FKBP1B: variants seen among roughly 807,000 people sequenced by gnomAD.
FKBP1B encodes FKBP prolyl isomerase 1B, also known as peptidyl-prolyl cis-trans isomerase FKBP1B.
Under a neutral mutation model 13.5 loss-of-function variants are expected in FKBP1B, and 4 were observed. The ratio of observed to expected loss-of-function variants is 0.30; its 90% CI spans 0.15 to 0.68. The LOEUF is 0.68. Among genes scored for constraint, FKBP1B ranks in the 30% least tolerant of loss-of-function variants. FKBP1B has a pLI of 0.76. For synonymous variants in FKBP1B, 54 were observed against 53.6 expected (o/e 1.01, Z -0.03); for missense variants, 93 against 136.2 (o/e 0.68, Z 1.58).
At position 24,060,930 on chromosome 2, in the gene FKBP1B, G is replaced by T; in HGVS notation, c.198+4G>T. The T allele has an allele frequency of 6.2e-7, 1 of 1,609,772 alleles. No individual in the cohort carries two copies. The highest frequency in any genetic ancestry group is 8.5e-7 in the Non-Finnish European group (1 of 1,176,074). On this transcript the variant is annotated splice_donor_region_variant and intron_variant, in intron 3 of 3. Coordinates refer to ENST00000380986, the MANE Select transcript of FKBP1B (RefSeq NM_004116.5). ...TTTTGAAGAGGGTGCAGCCCAGGTAGGATGAGGATTCGCATTAAAGGGGAT... is the reference window on the plus strand; with the variant it reads ...TTTTGAAGAGGGTGCAGCCCAGGTATGATGAGGATTCGCATTAAAGGGGAT...
At chr2:24,048,807 C>T (rs1663717895), upstream of FKBP1B, among the ~76,000 whole-genome samples, 1 of 152,162 alleles carries the variant, frequency 6.6e-6, no homozygotes, top group Admixed American at 6.5e-5. Flanking sequence ...TTCATTCATT[C>T]ATTCCACAGC....
At chr2:24,049,915 G>T (rs1476319058) in intron 1 of FKBP1B, 29 bp downstream of exon 1, 14 of 1,394,058 alleles carry the variant, frequency 1.0e-5, no homozygotes, top group South Asian at 4.6e-5. Context: ...AGCCAGGGGA[G>T]GGGAGGGGTC....
At chr2:24,038,236 T>A in the FKBP1B span, 1 of 1,614,182 alleles carries the variant, frequency 6.2e-7, no homozygotes, top group Non-Finnish European at 8.5e-7. Context: ...GGCATACTGA[T>A]CAGACTTTGA....
At chr2:24,057,463 T>A (rs1664181978) in intron 2 of FKBP1B, among the ~76,000 whole-genome samples, 1 of 152,112 alleles carries the variant, frequency 6.6e-6, no homozygotes, top group South Asian at 2.1e-4. Context: ...AACCTCTGCC[T>A]CCCAGGTTCA....
At chr2:24,039,124 T>A in the FKBP1B span, 1 of 1,614,170 alleles carries the variant, frequency 6.2e-7, no homozygotes, top group Non-Finnish European at 8.5e-7. Context: ...AATAGCACAT[T>A]TTGGGTGCCA....
chr2:24,039,293 G>A, the FKBP1B span: 1 of 1,614,218 alleles, frequency 6.2e-7, no homozygotes, highest in Non-Finnish European at 8.5e-7. Context: ...TCTGCAACAG[G>A]TGGGGCCCAG....
At chr2:24,039,212 T>A in the FKBP1B span, 1 of 1,614,252 alleles carries the variant, frequency 6.2e-7, no homozygotes, top group African/African-American at 1.3e-5. Context: ...CTTGACTCCA[T>A]AGGGCTGGGA....
chr2:24,047,435 G>C (rs1227311880), upstream of FKBP1B: 1 of 152,130 alleles, frequency 6.6e-6, no homozygotes, highest in African/African-American at 2.4e-5. Flanking sequence ...CTGATAGGTG[G>C]GCGGTGATAT....
At chr2:24,046,906 T>G (rs1181829032), upstream of FKBP1B, among the ~76,000 whole-genome samples, 1 of 152,142 alleles carries the variant, frequency 6.6e-6, no homozygotes, top group African/African-American at 2.4e-5. Context: ...ATTTAAAAGT[T>G]TAATAAATTA....
At position 24,063,279 on chromosome 2, in the gene FKBP1B, G is replaced by T. The variant is rs1664484736; in HGVS notation, c.*87G>T. ...CCACTGGGACGGCTCCTGCTTTTGGGGCTCTTGATCAGTGTGCTAACCTCA... is the reference window on the plus strand; with the variant it reads ...CCACTGGGACGGCTCCTGCTTTTGGTGCTCTTGATCAGTGTGCTAACCTCA... On this transcript the variant is annotated 3_prime_UTR_variant, in exon 4 of 4. Coordinates refer to ENST00000380986, the MANE Select transcript of FKBP1B (RefSeq NM_004116.5). The T allele has an allele frequency of 1.0e-5, 14 of 1,338,320 alleles. No homozygotes were observed. The highest frequency in any genetic ancestry group is 1.4e-5 in the Non-Finnish European group (14 of 996,344). 82.9% of individuals were successfully genotyped at this position (1,338,320 alleles called of 1,614,324 possible).
chr2:24,056,217 T>C (rs1664120087), intron 2 of FKBP1B, among the ~76,000 whole-genome samples: 1 of 152,104 alleles, frequency 6.6e-6, no homozygotes, highest in African/African-American at 2.4e-5. Context: ...CTCAAACTCC[T>C]GACCTCAGGT....
intron 1 of FKBP1B, 23 bp downstream of exon 1, chr2:24,049,909 A>G (rs2150959038): frequency 7.3e-7 from 1 of 1,369,060 alleles, no homozygotes; most frequent in Non-Finnish European, 9.4e-7. Context: ...CTCCGGAGCC[A>G]GGGGAGGGGA....
chr2:24,044,842 G>C (rs1032668914), upstream of FKBP1B, among the ~76,000 whole-genome samples: 4 of 107,822 alleles, frequency 3.7e-5, no homozygotes, highest in Non-Finnish European at 7.7e-5. Context: ...AAAAAAAAAA[G>C]CACAGCGGTG....
In FKBP1B at chr2:24,050,889, G is replaced by T. The variant is rs138674668; in HGVS notation, c.37+1003G>T. On this transcript the variant is annotated intron_variant, in intron 1 of 3. Transcript: ENST00000380986. This position sits in a 1 kb window ranked among gnomAD's most constrained non-coding sequence, Gnocchi z 5.8. ...CTGGAGTACAGGCTTCTTTGCCCAC[G>T]CAGGAAACATTGCTGCTGGGTCCCA... Among the ~76,000 whole-genome samples the T allele has an allele frequency of 4.2e-3, 645 of 152,292 alleles. 2 individuals carry two copies. The highest frequency in any genetic ancestry group is 0.015 in the African/African-American group (613 of 41,558).
chr2:24,036,101 T>TA, the FKBP1B span, among the ~76,000 whole-genome samples: 4 of 148,376 alleles, frequency 2.7e-5, no homozygotes, highest in East Asian at 3.9e-4. Flanking sequence ...AATAAATAAA[T>TA]AAATAAAATA....
intron 2 of FKBP1B, among the ~76,000 whole-genome samples, chr2:24,056,617 T>C (rs1664140701): frequency 6.6e-6 from 1 of 152,206 alleles, no homozygotes; most frequent in African/African-American, 2.4e-5. Flanking sequence ...CACCTTTTCA[T>C]GTGCCTACTG....
chr2:24,055,290 A>G (rs1220082850), intron 2 of FKBP1B, among the ~76,000 whole-genome samples: 1 of 150,168 alleles, frequency 6.7e-6, no homozygotes, highest in African/African-American at 2.5e-5. Context: ...AGCTCATTGC[A>G]GCCTCGACCT....
At chr2:24,033,662 A>C in the FKBP1B span, among the ~76,000 whole-genome samples, 46 of 152,244 alleles carry the variant, frequency 3.0e-4, no homozygotes, top group African/African-American at 1.1e-3. Context: ...AATCACTTGA[A>C]CCCAGGAGGC....
chr2:24,061,285 T>A (rs1664383467), intron 3 of FKBP1B, among the ~76,000 whole-genome samples: 1 of 152,070 alleles, frequency 6.6e-6, no homozygotes, highest in African/African-American at 2.4e-5. Flanking sequence ...ACCAACATGG[T>A]GTAACCCCGT....
Sources: allele counts gnomAD v4.1 joint callset (sites outside exome capture counted in the v4.1 genomes callset), GRCh38; gene constraint gnomAD v4.1.1; non-coding constraint Gnocchi (gnomAD v3.1); transcripts MANE v1.5; gene names NCBI Gene and HGNC (gene_info 2026-07-23, HGNC 2026-07-21).